UBAP1: variants seen among roughly 807,000 people sequenced by gnomAD.
UBAP1 encodes the protein ubiquitin-associated protein 1.
Under a neutral mutation model 39.0 loss-of-function variants are expected in UBAP1, and 5 were observed. The observed-to-expected ratio is 0.13, with a 90% CI of 0.07 to 0.27. UBAP1 has a LOEUF of 0.27. Ranked by LOEUF, UBAP1 falls within the 10% of genes least tolerant of loss-of-function variation. The probability of loss-of-function intolerance (pLI) is 1.00; values close to 1 mark genes in which losing one functional copy is unlikely to be tolerated. For synonymous variants in UBAP1, 211 were observed against 225.1 expected, an observed-to-expected ratio of 0.94 and a Z score of 0.56; for missense variants, 490 against 608.1, an observed-to-expected ratio of 0.81 and a Z score of 2.04.
chr9:34,191,566 G>A (rs1587794196), intron 1 of UBAP1: 1 of 159,710 alleles, frequency 6.3e-6, no homozygotes, highest in East Asian at 1.6e-4. Flanking sequence ...TGTCTGGAAG[G>A]CTGTGGTCCA....
At chr9:34,187,818 T>C (rs1167918503) in intron 1 of UBAP1, among the ~76,000 whole-genome samples, 1 of 151,682 alleles carries the variant, frequency 6.6e-6, no homozygotes, top group Non-Finnish European at 1.5e-5. Flanking sequence ...GAAGAATGTT[T>C]TTTGCTTTTT....
intron 3 of UBAP1, among the ~76,000 whole-genome samples, chr9:34,239,799 C>T (rs1274327559): frequency 6.6e-6 from 1 of 152,084 alleles, no homozygotes; most frequent in East Asian, 1.9e-4. Context: ...TACTCTGGTT[C>T]CTGGAACTCC....
At chr9:34,246,123 G>A (rs1399657853) in intron 4 of UBAP1, among the ~76,000 whole-genome samples, 1 of 151,954 alleles carries the variant, frequency 6.6e-6, no homozygotes, top group African/African-American at 2.4e-5. Flanking sequence ...ACAGGGTCTT[G>A]CTCTGTAATC....
chr9:34,236,564 C>T (rs991908341), intron 3 of UBAP1, among the ~76,000 whole-genome samples: 5 of 152,116 alleles, frequency 3.3e-5, no homozygotes, highest in Admixed American at 6.6e-5. Flanking sequence ...CTCACACAGA[C>T]CAAATTCCCA....
At chr9:34,228,574 C>A (rs899629301) in intron 2 of UBAP1, among the ~76,000 whole-genome samples, 3 of 146,212 alleles carry the variant, frequency 2.1e-5, no homozygotes, top group African/African-American at 7.6e-5. Flanking sequence ...TTGTTTCCCC[C>A]CCCCCCTTTT....
intron 2 of UBAP1, chr9:34,224,363 G>C: frequency 2.2e-6 from 1 of 446,012 alleles, no homozygotes; most frequent in Non-Finnish European, 4.2e-6. Flanking sequence ...TTATGGACCA[G>C]CTCGTTATTA....
chr9:34,246,930 G>A (rs1834207500), intron 4 of UBAP1, among the ~76,000 whole-genome samples: 1 of 152,182 alleles, frequency 6.6e-6, no homozygotes, highest in Non-Finnish European at 1.5e-5. Flanking sequence ...CAAATATGGA[G>A]CACTTCAGTC....
At chr9:34,185,918 G>A (rs988996789) in intron 1 of UBAP1, among the ~76,000 whole-genome samples, 4 of 152,182 alleles carry the variant, frequency 2.6e-5, no homozygotes, top group South Asian at 2.1e-4. Context: ...TGTGTTATGC[G>A]TGCTTTTTAT....
At chr9:34,195,683 C>T (rs371960380) in intron 1 of UBAP1, among the ~76,000 whole-genome samples, 8 of 151,478 alleles carry the variant, frequency 5.3e-5, no homozygotes, top group East Asian at 1.9e-4. Context: ...CCGCAACCTC[C>T]GCCTCCCAGG....
chr9:34,202,212 T>C (rs1319962980), intron 1 of UBAP1, among the ~76,000 whole-genome samples: 7 of 152,148 alleles, frequency 4.6e-5, no homozygotes, highest in Non-Finnish European at 2.9e-5. Context: ...GTTGCCCAGC[T>C]GGAGTGCAGT....
chr9:34,211,164 T>A (rs1364608059), intron 1 of UBAP1, among the ~76,000 whole-genome samples: 1 of 152,194 alleles, frequency 6.6e-6, no homozygotes, highest in Non-Finnish European at 1.5e-5. Context: ...AGATTTATGG[T>A]CTATCTAGAG....
chr9:34,179,233 G>A lies in UBAP1; in HGVS notation c.-15G>A. The A allele has an allele frequency of 1.7e-6, 2 of 1,200,306 alleles. No homozygotes were observed. The highest frequency in any genetic ancestry group is 1.0e-6 in the Non-Finnish European group (1 of 968,682). 74.4% of individuals were successfully genotyped at this position (1,200,306 alleles called of 1,614,324 possible). On this transcript the variant is annotated 5_prime_UTR_variant, in exon 1 of 7. Transcript: ENST00000297661. The stretch of plus-strand genomic sequence containing the variant: ...GGCTTCTGAGACGGCGGCAGCAGCG[G>A]CATTCAGGTGAGGGGGGCCTCCCTC...
chr9:34,227,204 G>A (rs375602644), intron 2 of UBAP1, among the ~76,000 whole-genome samples: 1 of 151,978 alleles, frequency 6.6e-6, no homozygotes, highest in Non-Finnish European at 1.5e-5. Context: ...ATTTTCTTGT[G>A]ATTTCACATC....
intron 1 of UBAP1, among the ~76,000 whole-genome samples, chr9:34,180,911 A>G (rs1180587052): frequency 2.8e-5 from 4 of 143,706 alleles, no homozygotes; most frequent in African/African-American, 7.8e-5. Context: ...CCTGGGTTCA[A>G]GTGACTGTCC....
At chr9:34,216,000 A>T (rs1832291505) in intron 1 of UBAP1, among the ~76,000 whole-genome samples, 1 of 152,080 alleles carries the variant, frequency 6.6e-6, no homozygotes, top group Non-Finnish European at 1.5e-5. Context: ...TGATTTAAAA[A>T]ATTTTACATT....
intron 3 of UBAP1, among the ~76,000 whole-genome samples, chr9:34,235,112 A>G (rs1010323931): frequency 3.9e-5 from 6 of 152,120 alleles, no homozygotes; most frequent in Admixed American, 2.6e-4. Context: ...AAATTTAAAG[A>G]TCAAAAAGCT....
At chr9:34,206,817 G>C (rs991576762) in intron 1 of UBAP1, among the ~76,000 whole-genome samples, 1 of 151,964 alleles carries the variant, frequency 6.6e-6, no homozygotes, top group African/African-American at 2.4e-5. Flanking sequence ...TTTTCTAGGT[G>C]ACTACCCAGT....
intron 1 of UBAP1, among the ~76,000 whole-genome samples, chr9:34,192,298 T>C (rs979595920): frequency 1.6e-4 from 25 of 151,648 alleles, no homozygotes; most frequent in African/African-American, 5.3e-4. Flanking sequence ...GGGTGGATCA[T>C]GAGGTCAGGA....
chr9:34,246,938 GTCA>G (rs1400033675), intron 4 of UBAP1, among the ~76,000 whole-genome samples: 10 of 152,178 alleles, frequency 6.6e-5, no homozygotes, highest in Non-Finnish European at 1.5e-4. Context: ...GAGCACTTCA[GTCA>G]TCGAGTATGA....
Sources: allele counts gnomAD v4.1 joint callset (sites outside exome capture counted in the v4.1 genomes callset), GRCh38; gene constraint gnomAD v4.1.1; transcripts MANE v1.5; gene names NCBI Gene and HGNC (gene_info 2026-07-23, HGNC 2026-07-21).